EHBP1: variants seen among roughly 807,000 people sequenced by gnomAD.
The protein encoded by EHBP1 is EH domain binding protein 1.
In EHBP1, 55 loss-of-function variants were observed where a neutral mutation model predicts 144.0. That is an observed-to-expected ratio of 0.38 (90% confidence interval 0.31 to 0.48). EHBP1 has a LOEUF of 0.48. EHBP1 is among the 20% of genes least tolerant of loss of function. The pLI is 0.98. For missense variants in EHBP1, 1,200 were observed against 1,364.2 expected, an observed-to-expected ratio of 0.88 and a Z score of 1.90; for synonymous variants, 469 against 472.7, an observed-to-expected ratio of 0.99 and a Z score of 0.10.
intron 3 of EHBP1, among the ~76,000 whole-genome samples, chr2:62,749,174 C>T (rs893836453): frequency 3.9e-5 from 6 of 152,066 alleles, no homozygotes; most frequent in African/African-American, 1.4e-4. Flanking sequence ...TGTGATGTTC[C>T]CCTTCCTGTG....
chr2:62,969,652 A>G (rs779863416), intron 14 of EHBP1, among the ~76,000 whole-genome samples: 1 of 152,200 alleles, frequency 6.6e-6, no homozygotes, highest in Non-Finnish European at 1.5e-5. Flanking sequence ...AGTTACCACA[A>G]AAATAAATGT....
chr2:62,703,249 C>A (rs1434120642), upstream of EHBP1, among the ~76,000 whole-genome samples: 1 of 151,596 alleles, frequency 6.6e-6, no homozygotes, highest in African/African-American at 2.4e-5. Context: ...CGACTGTAGT[C>A]CCAGCTACTC....
chr2:62,767,558 G>T (rs1172432312), intron 4 of EHBP1, among the ~76,000 whole-genome samples: 3 of 151,726 alleles, frequency 2.0e-5, no homozygotes, highest in African/African-American at 7.3e-5. Flanking sequence ...AAACGGACCA[G>T]GTGCAGTGGC....
chr2:63,029,888 C>G (rs1574541980), intron 19 of EHBP1, among the ~76,000 whole-genome samples: 1 of 152,244 alleles, frequency 6.6e-6, no homozygotes, highest in African/African-American at 2.4e-5. Context: ...GCCACCATGC[C>G]TGGCCAATTT....
At chr2:62,836,923 T>C (rs1195454530) in intron 7 of EHBP1, among the ~76,000 whole-genome samples, 2 of 143,084 alleles carry the variant, frequency 1.4e-5, no homozygotes, top group African/African-American at 5.2e-5. Flanking sequence ...CTGCAGGATA[T>C]TATCCAGGAG....
intron 7 of EHBP1, among the ~76,000 whole-genome samples, chr2:62,856,154 T>C (rs1034196298): frequency 1.9e-4 from 29 of 152,202 alleles, no homozygotes; most frequent in African/African-American, 7.0e-4. Context: ...AGAACTCAGC[T>C]CTTTTAGCCC....
chr2:62,794,967 C>A (rs951421702), intron 5 of EHBP1, among the ~76,000 whole-genome samples: 2 of 151,722 alleles, frequency 1.3e-5, no homozygotes, highest in Non-Finnish European at 2.9e-5. Context: ...AACACTAACA[C>A]AAGTTGGTTC....
At chr2:62,680,961 C>A (rs1425962834) in intron 1 of EHBP1, among the ~76,000 whole-genome samples, 1 of 152,052 alleles carries the variant, frequency 6.6e-6, no homozygotes, top group East Asian at 1.9e-4. Context: ...GGAGAGTAAT[C>A]TTACATGTAT....
intron 14 of EHBP1, among the ~76,000 whole-genome samples, chr2:62,975,583 G>A (rs2058673495): frequency 6.6e-6 from 1 of 151,912 alleles, no homozygotes; most frequent in Admixed American, 6.6e-5. Flanking sequence ...CTACCTTTTA[G>A]GGGCATTATT....
chr2:62,873,749 C>G (rs780735963), intron 9 of EHBP1, among the ~76,000 whole-genome samples: 1 of 152,112 alleles, frequency 6.6e-6, no homozygotes, highest in Non-Finnish European at 1.5e-5. Flanking sequence ...CAATATTAGG[C>G]TGACAGTGGA....
At chr2:62,972,452 A>G (rs1447904473) in intron 14 of EHBP1, among the ~76,000 whole-genome samples, 1 of 152,214 alleles carries the variant, frequency 6.6e-6, no homozygotes, top group Non-Finnish European at 1.5e-5. Context: ...GAGCCTACAT[A>G]TAAAAATTAA....
intron 2 of EHBP1, among the ~76,000 whole-genome samples, chr2:62,716,228 G>A (rs2151887860): frequency 6.6e-6 from 1 of 151,572 alleles, no homozygotes; most frequent in South Asian, 2.1e-4. Context: ...TCTTCCCAAA[G>A]CATTTCTGAG....
intron 10 of EHBP1, among the ~76,000 whole-genome samples, chr2:62,909,207 C>A (rs1330274188): frequency 6.6e-6 from 1 of 152,134 alleles, no homozygotes; most frequent in Non-Finnish European, 1.5e-5. Flanking sequence ...GAGACAAGGT[C>A]TCACGCTGTC....
chr2:63,006,971 T>C (rs1452039748), intron 19 of EHBP1, among the ~76,000 whole-genome samples: 1 of 151,894 alleles, frequency 6.6e-6, no homozygotes, highest in Admixed American at 6.6e-5. Context: ...AATACATTTA[T>C]TGCACAGAAA....
chr2:62,902,923 T>G (rs1235740783), intron 10 of EHBP1, among the ~76,000 whole-genome samples: 1 of 152,238 alleles, frequency 6.6e-6, no homozygotes, highest in Non-Finnish European at 1.5e-5. Context: ...CAACTAAATC[T>G]TATCTTTAGT....
At chr2:62,817,368 C>T (rs1360638997) in intron 5 of EHBP1, among the ~76,000 whole-genome samples, 1 of 151,964 alleles carries the variant, frequency 6.6e-6, no homozygotes, top group Non-Finnish European at 1.5e-5. Flanking sequence ...AAGAACATTC[C>T]TAGTAATGGA....
intron 2 of EHBP1, chr2:62,726,638 T>C (rs949330926): frequency 1.3e-5 from 2 of 152,230 alleles, no homozygotes; most frequent in African/African-American, 4.8e-5. Context: ...TTTTTTATTT[T>C]AGACTTGTTA....
intron 10 of EHBP1, among the ~76,000 whole-genome samples, chr2:62,925,034 A>G (rs1310102796): frequency 2.0e-5 from 3 of 152,224 alleles, no homozygotes; most frequent in Non-Finnish European, 4.4e-5. Context: ...ATTTAGCCCA[A>G]AAATGCAAGA....
chr2:62,846,682 A>G (rs139886119), intron 7 of EHBP1, among the ~76,000 whole-genome samples: 2 of 152,342 alleles, frequency 1.3e-5, no homozygotes, highest in Non-Finnish European at 2.9e-5. Flanking sequence ...GTATTTTTAT[A>G]TATGAACAAC....
Sources: allele counts gnomAD v4.1 joint callset (sites outside exome capture counted in the v4.1 genomes callset), GRCh38; gene constraint gnomAD v4.1.1; transcripts MANE v1.5; gene names NCBI Gene and HGNC (gene_info 2026-07-23, HGNC 2026-07-21).